ELAVL4: variants seen among roughly 807,000 people sequenced by gnomAD.
ELAVL4 encodes ELAV like RNA binding protein 4, also known as ELAV-like protein 4.
ELAVL4 carries 1 observed loss-of-function variant against 35.6 expected under a neutral mutation model. The ratio of observed to expected loss-of-function variants is 0.03; its 90% CI spans 0.01 to 0.13. The LOEUF (loss-of-function observed/expected upper bound fraction) is 0.13, where lower values mean the gene tolerates loss of function less well. Among genes scored for constraint, ELAVL4 ranks in the 10% least tolerant of loss-of-function variants. ELAVL4 has a pLI of 1.00. For synonymous variants in ELAVL4, 156 were observed against 171.0 expected, an observed-to-expected ratio of 0.91 and a Z score of 0.69; for missense variants, 267 against 464.9, an observed-to-expected ratio of 0.57 and a Z score of 3.91.
chr1:50,133,905 A>G lies in ELAVL4; in HGVS notation c.10-11052A>G, dbSNP rs138534104. ...TTATCTTCACCTTCAGAATGACTTA[A>G]TTTTTTGAATTGCACAATTAGAAGA... On this transcript the variant is annotated intron_variant, in intron 1 of 6. Coordinates refer to ENST00000371824, the MANE Select transcript of ELAVL4 (RefSeq NM_001144774.3). 4.1e-3 allele frequency among the ~76,000 whole-genome samples: 624 copies of G among 152,178 alleles called. 2 individuals are homozygous for G. Among genetic ancestry groups the G allele is most frequent in the African/African-American group, 0.014 (562 of 41,516 alleles).
At chr1:50,109,538 G>A (rs1666703329) in intron 1 of ELAVL4, 1 of 359,592 alleles carries the variant, frequency 2.8e-6, no homozygotes, top group Admixed American at 4.3e-5. Context: ...TTGTAAGGGA[G>A]AGGGGGTTTG....
intron 1 of ELAVL4, among the ~76,000 whole-genome samples, chr1:50,050,160 T>C (rs1663279385): frequency 6.6e-6 from 1 of 152,276 alleles, no homozygotes; most frequent in African/African-American, 2.4e-5. Flanking sequence ...ATGGGGTTAA[T>C]ACCAACCTCG....
At chr1:50,072,874 G>T (rs1664594783) in intron 1 of ELAVL4, among the ~76,000 whole-genome samples, 2 of 152,130 alleles carry the variant, frequency 1.3e-5, no homozygotes, top group Non-Finnish European at 2.9e-5. Context: ...TTAAAAAGTA[G>T]AAGAGTTAGG....
chr1:50,113,007 A>C (rs996561246), intron 1 of ELAVL4, among the ~76,000 whole-genome samples: 2 of 152,120 alleles, frequency 1.3e-5, no homozygotes, highest in South Asian at 4.1e-4. Flanking sequence ...TTAGTCTTGA[A>C]ATTGGATTTG....
At chr1:50,186,885 G>GGTGCTACATAA (rs1681912388) in intron 3 of ELAVL4, among the ~76,000 whole-genome samples, 1 of 152,178 alleles carries the variant, frequency 6.6e-6, no homozygotes, top group Admixed American at 6.5e-5. Flanking sequence ...TGTAAAGAGT[G>GGTGCTACATAA]GTGCTACATA....
rs528705204 is a variant in ELAVL4 at position 50,193,115 on chromosome 1, G to A, written c.355-650G>A. On this transcript the variant is annotated intron_variant, in intron 3 of 6. Transcript: ENST00000371824. ...TCTGCCCTGCTTCAAAGTTAGAGGC[G>A]ACTGGTCCTTGCAGATGTGACGACA... Among the ~76,000 whole-genome samples, 9 of 152,162 alleles carry A rather than the reference G, an allele frequency of 5.9e-5. No homozygotes were observed. In the East Asian group the frequency reaches 7.7e-4, roughly 13 times the overall value.
intron 1 of ELAVL4, among the ~76,000 whole-genome samples, chr1:50,069,313 A>G (rs998994120): frequency 6.6e-6 from 1 of 152,010 alleles, no homozygotes; most frequent in African/African-American, 2.4e-5. Flanking sequence ...CCTGTCTCTG[A>G]TTACCTATAG....
chr1:50,181,875 G>T (rs142539591), intron 3 of ELAVL4, among the ~76,000 whole-genome samples: 4,879 of 152,174 alleles, frequency 0.032, 251 homozygotes, highest in African/African-American at 0.11. Context: ...TAGAGACAGG[G>T]TTTCTCCGTG....
chr1:50,171,197 A>G (rs1328763111), intron 2 of ELAVL4, among the ~76,000 whole-genome samples: 2 of 152,174 alleles, frequency 1.3e-5, no homozygotes, highest in African/African-American at 2.4e-5. Context: ...GAACAATCAT[A>G]GGTGCTCCAG....
At chr1:50,178,744 C>T (rs1680521172) in intron 3 of ELAVL4, among the ~76,000 whole-genome samples, 1 of 152,190 alleles carries the variant, frequency 6.6e-6, no homozygotes, top group African/African-American at 2.4e-5. Context: ...ATGCTCATGT[C>T]ACCTGACTCT....
At chr1:50,129,840 T>C (rs1261839549) in intron 1 of ELAVL4, among the ~76,000 whole-genome samples, 4 of 152,184 alleles carry the variant, frequency 2.6e-5, no homozygotes, top group African/African-American at 9.6e-5. Context: ...TTTCAGAATG[T>C]TACCTTTTGG....
At chr1:50,104,515 A>C (rs550982114), upstream of ELAVL4, among the ~76,000 whole-genome samples, 3 of 152,354 alleles carry the variant, frequency 2.0e-5, no homozygotes, top group Admixed American at 1.3e-4. Flanking sequence ...TCTTGACTTA[A>C]AGATGAAGGA....
chr1:50,182,105 C>T (rs1681133086), intron 3 of ELAVL4, among the ~76,000 whole-genome samples: 1 of 152,252 alleles, frequency 6.6e-6, no homozygotes, highest in South Asian at 2.1e-4. Flanking sequence ...CCAGGCCTGA[C>T]CTTCTGTTGG....
At chr1:50,107,236 T>C (rs1410876028), upstream of ELAVL4, among the ~76,000 whole-genome samples, 1 of 152,210 alleles carries the variant, frequency 6.6e-6, no homozygotes, top group African/African-American at 2.4e-5. Flanking sequence ...GGACATTTTA[T>C]ACATTTGCTA....
upstream of ELAVL4, chr1:50,106,055 A>G (rs1666277049): frequency 2.6e-6 from 1 of 390,664 alleles, no homozygotes; most frequent in Admixed American, 4.3e-5. Context: ...CATGGAAGTC[A>G]AGGAAATACA....
intron 2 of ELAVL4, among the ~76,000 whole-genome samples, chr1:50,165,621 T>A (rs911985394): frequency 6.7e-6 from 1 of 148,162 alleles, no homozygotes; most frequent in East Asian, 2.0e-4. Flanking sequence ...TATACATATA[T>A]ATGCATAAAT....
chr1:50,083,379 T>G (rs911386887), intron 1 of ELAVL4, among the ~76,000 whole-genome samples: 1 of 152,124 alleles, frequency 6.6e-6, no homozygotes, highest in Non-Finnish European at 1.5e-5. Context: ...ATAAGACTTT[T>G]TAGGTACATT....
At chr1:50,095,265 T>C (rs952191979) in intron 1 of ELAVL4, among the ~76,000 whole-genome samples, 2 of 152,142 alleles carry the variant, frequency 1.3e-5, no homozygotes, top group African/African-American at 4.8e-5. Flanking sequence ...ACTAGATAAG[T>C]CCCTTTACTG....
chr1:50,141,146 C>T (rs1308124161), intron 1 of ELAVL4, among the ~76,000 whole-genome samples: 1 of 152,146 alleles, frequency 6.6e-6, no homozygotes, highest in Non-Finnish European at 1.5e-5. Context: ...TGTCTGAAAA[C>T]GAAAGATGAA....
Sources: gnomAD v4.1 joint callset for allele counts (sites outside exome capture counted in the v4.1 genomes callset) on GRCh38, gnomAD v4.1.1 for gene constraint, MANE v1.5 for transcripts, NCBI Gene and HGNC (gene_info 2026-07-23, HGNC 2026-07-21) for gene names.